The following SV2C variants were observed in gnomAD, a reference collection of about 807,000 sequenced individuals.
SV2C encodes synaptic vesicle glycoprotein 2C, also known as solute carrier family 22 member B3.
A neutral mutation model predicts 79.7 loss-of-function variants in SV2C; 49 were observed. The ratio of observed to expected loss-of-function variants is 0.61; its 90% confidence interval spans 0.49 to 0.78. SV2C has a LOEUF of 0.78. Among genes scored for constraint, SV2C ranks in the 30% least tolerant of loss-of-function variants. The pLI is 0.00. For missense variants in SV2C, 833 were observed against 912.9 expected, an observed-to-expected ratio of 0.91 and a Z score of 1.13; for synonymous variants, 334 against 333.2, an observed-to-expected ratio of 1.00 and a Z score of -0.03.
intron 4 of SV2C, among the ~76,000 whole-genome samples, chr5:76,260,911 G>A (rs1030161576): frequency 6.6e-6 from 1 of 152,006 alleles, no homozygotes; most frequent in Non-Finnish European, 1.5e-5. Context: ...GCTTAGGATT[G>A]TCTTGGTTGT....
the SV2C span, among the ~76,000 whole-genome samples, chr5:75,848,738 C>G: frequency 2.0e-5 from 3 of 152,016 alleles, no homozygotes; most frequent in African/African-American, 7.2e-5. Context: ...GGTGGTAAGT[C>G]TGAGTGTATT....
chr5:76,080,402 GCTGTGGAAGCCAGGTGTAA>G (rs1746967313), upstream of SV2C, among the ~76,000 whole-genome samples: 1 of 152,116 alleles, frequency 6.6e-6, no homozygotes, highest in South Asian at 2.1e-4. Context: ...TCAGACATCT[GCTGTGGAAGCCAGGTGTAA>G]CTCTGACTTT....
chr5:76,120,769 A>G (rs1416781790), intron 1 of SV2C, among the ~76,000 whole-genome samples: 2,836 of 145,802 alleles, frequency 0.019, 87 homozygotes, highest in African/African-American at 0.073. Flanking sequence ...GTCTATCATC[A>G]TTGGACATTT....
At chr5:76,225,698 A>C (rs1312816229) in intron 4 of SV2C, among the ~76,000 whole-genome samples, 1 of 152,162 alleles carries the variant, frequency 6.6e-6, no homozygotes, top group Non-Finnish European at 1.5e-5. Flanking sequence ...AGCACATCTT[A>C]ATGAGATAAC....
the SV2C span, among the ~76,000 whole-genome samples, chr5:75,878,937 G>A: frequency 6.6e-6 from 1 of 152,204 alleles, no homozygotes; most frequent in Non-Finnish European, 1.5e-5. Flanking sequence ...ACCTCAGTAA[G>A]CTTACAATCA....
intron 12 of SV2C, among the ~76,000 whole-genome samples, chr5:76,303,214 A>G (rs918604434): frequency 2.6e-5 from 4 of 152,184 alleles, no homozygotes; most frequent in Non-Finnish European, 5.9e-5. Flanking sequence ...CAATCTTTGT[A>G]CGGCATCTCC....
the SV2C span, among the ~76,000 whole-genome samples, chr5:76,068,079 G>A: frequency 3.3e-5 from 5 of 152,054 alleles, no homozygotes; most frequent in African/African-American, 1.2e-4. Context: ...ATTAGCCAGA[G>A]CTTGTAAAAC....
chr5:76,021,422 T>C, the SV2C span, among the ~76,000 whole-genome samples: 47 of 152,228 alleles, frequency 3.1e-4, no homozygotes, highest in Non-Finnish European at 6.0e-4. Flanking sequence ...AGCATCAGGT[T>C]TCCTATTCAA....
At chr5:76,236,614 T>A (rs758994901) in intron 4 of SV2C, among the ~76,000 whole-genome samples, 2 of 151,754 alleles carry the variant, frequency 1.3e-5, no homozygotes, top group African/African-American at 4.8e-5. Context: ...AGGAGGGAGA[T>A]GCCAGGTTCT....
the SV2C span, among the ~76,000 whole-genome samples, chr5:76,010,345 C>T: frequency 1.1e-4 from 17 of 152,128 alleles, no homozygotes; most frequent in Non-Finnish European, 1.5e-4. Context: ...AGGGAAAAGA[C>T]GGTTGAATTA....
Position 76,237,449 on chromosome 5 carries a change from G to T in SV2C, c.913+27562G>T, listed in dbSNP as rs574558900. On this transcript the variant is annotated intron_variant, in intron 4 of 12. Transcript: ENST00000502798. ...TGAAGACATTTCTCCGAGAGTTCTT[G>T]GTCCTTCCGTTTCTTAGGTCTGCTG... Among the ~76,000 whole-genome samples, 11 of 152,088 alleles carry T rather than the reference G, an allele frequency of 7.2e-5. No individual in the cohort carries two copies. The South Asian group carries it at 2.1e-3, about 29-fold the overall frequency.
At chr5:76,037,885 A>G in the SV2C span, among the ~76,000 whole-genome samples, 1 of 152,194 alleles carries the variant, frequency 6.6e-6, no homozygotes, top group Non-Finnish European at 1.5e-5. Context: ...TGTGCTAGCA[A>G]TCAGTGAGAC....
At chr5:75,850,446 T>C in the SV2C span, among the ~76,000 whole-genome samples, 10 of 152,184 alleles carry the variant, frequency 6.6e-5, no homozygotes, top group Admixed American at 5.2e-4. Flanking sequence ...TTCTTATTTT[T>C]TTCTAATCAA....
In SV2C at chr5:76,285,292, G is replaced by A; in HGVS notation, c.1044G>A (p.Leu348=). 1.2e-6 allele frequency: 2 copies of A among 1,614,024 alleles called. No individual in the cohort carries two copies. Among genetic ancestry groups the A allele is most frequent in the Non-Finnish European group, 8.5e-7 (1 of 1,179,984 alleles). Reference sequence around the variant, plus strand: ...TGCCTGAAAGCCCACGATTCTTGTTGGAGGTAACACTTATTATTGCAGATA... The same window carrying A: ...TGCCTGAAAGCCCACGATTCTTGTTAGAGGTAACACTTATTATTGCAGATA... The part of the protein sequence containing the change: ...TFMPESPRFL[L]EVGKHDEAWM... The change falls in exon 5 of 13, where the codon TTG becomes TTA. Residue 348 remains leucine, a synonymous_variant. Transcript: ENST00000502798.
intron 1 of SV2C, among the ~76,000 whole-genome samples, chr5:76,110,524 G>A (rs550804604): frequency 1.3e-5 from 2 of 152,332 alleles, no homozygotes; most frequent in African/African-American, 2.4e-5. Flanking sequence ...GACCCTCGGG[G>A]TTTCTGGAGT....
At chr5:76,146,126 C>G (rs1381796706) in intron 2 of SV2C, among the ~76,000 whole-genome samples, 1 of 152,166 alleles carries the variant, frequency 6.6e-6, no homozygotes, top group African/African-American at 2.4e-5. Flanking sequence ...AAGCTACTCA[C>G]CTGGAGGGGG....
chr5:76,025,180 T>G, the SV2C span, among the ~76,000 whole-genome samples: 5 of 151,898 alleles, frequency 3.3e-5, no homozygotes, highest in Non-Finnish European at 7.4e-5. Context: ...CACGTTTTTT[T>G]TTTTTTTTTT....
the SV2C span, among the ~76,000 whole-genome samples, chr5:75,871,552 G>C: frequency 0.025 from 3,744 of 152,252 alleles, 161 homozygotes; most frequent in African/African-American, 0.086. Context: ...GCTCATGCCT[G>C]TAATCCCAGC....
intron 2 of SV2C, among the ~76,000 whole-genome samples, chr5:76,178,462 G>T (rs1743612237): frequency 6.6e-6 from 1 of 152,018 alleles, no homozygotes; most frequent in Non-Finnish European, 1.5e-5. Context: ...CAGTCTTTTG[G>T]ATTTTTAATT....
Sources: gnomAD v4.1 joint callset for allele counts (sites outside exome capture counted in the v4.1 genomes callset) on GRCh38, gnomAD v4.1.1 for gene constraint, MANE v1.5 for transcripts, NCBI Gene and HGNC (gene_info 2026-07-23, HGNC 2026-07-21) for gene names.